Variants in NCK1 observed in about 807,000 individuals in gnomAD.
NCK1 encodes SH2/SH3 adapter protein NCK1.
In NCK1, 19 loss-of-function variants were observed where a neutral mutation model predicts 36.6. That is an observed-to-expected ratio of 0.52 (90% CI 0.36 to 0.76). The LOEUF is 0.76. Among genes scored for constraint, NCK1 ranks in the 30% least tolerant of loss-of-function variants. The probability of loss-of-function intolerance (pLI) is 0.00; values close to 1 mark genes in which losing one functional copy is unlikely to be tolerated. For missense variants in NCK1, 358 were observed against 445.6 expected (o/e 0.80, Z 1.77); for synonymous variants, 165 against 156.0 (o/e 1.06, Z -0.43).
intron 1 of NCK1, chr3:136,899,409 C>G: frequency 4.4e-6 from 1 of 228,294 alleles, no homozygotes; most frequent in Non-Finnish European, 8.7e-6. Flanking sequence ...ATTTTACCTT[C>G]ATTTCTTTTC....
intron 1 of NCK1, among the ~76,000 whole-genome samples, chr3:136,865,093 G>T (rs1239905754): frequency 6.6e-6 from 1 of 152,118 alleles, no homozygotes; most frequent in East Asian, 1.9e-4. Flanking sequence ...CAGTAGCTGG[G>T]ATTACAGGCG....
rs141641421 is a variant in NCK1 at position 136,944,509 on chromosome 3, C to T, written c.227-1074C>T. Among the ~76,000 whole-genome samples the T allele has an allele frequency of 2.1e-4, 32 of 152,158 alleles. 1 individual carries two copies. The East Asian group carries it at 4.6e-3, about 22-fold the overall frequency. On this transcript the variant is annotated intron_variant, in intron 2 of 3. Coordinates refer to ENST00000481752, the MANE Select transcript of NCK1 (RefSeq NM_001291999.2). ...AAATAAATAAATTACCAAAATGTTA[C>T]GGTTTAAAAGTTGTAGCAGAGTTAA... is the stretch of plus-strand genomic sequence containing the variant.
chr3:136,946,159 A>T lies in NCK1; in HGVS notation c.803A>T (p.Tyr268Phe), dbSNP rs1454199299. The T allele has an allele frequency of 2.5e-6, 4 of 1,613,614 alleles. No homozygotes were observed. The highest frequency in any genetic ancestry group is 3.4e-6 in the Non-Finnish European group (4 of 1,179,946). The change falls in exon 3 of 4, where the codon TAC (tyrosine) becomes TTC (phenylalanine). Residue 268 changes from tyrosine (Y) to phenylalanine (F), a missense_variant. By Grantham distance (22) the Tyr-to-Phe change is conservative (BLOSUM62 3). Coordinates refer to ENST00000481752, the MANE Select transcript of NCK1 (RefSeq NM_001291999.2). The part of the protein sequence containing the change: ...GLEPSPPQCD[Y>F]IRPSLTGKFA... ...GAACCATCACCTCCACAGTGTGATT[A>T]CATTAGGCCTTCACTCACTGGAAAG...
At chr3:136,881,693 C>T (rs1468417394) in intron 1 of NCK1, among the ~76,000 whole-genome samples, 2 of 152,202 alleles carry the variant, frequency 1.3e-5, no homozygotes, top group Admixed American at 1.3e-4. Context: ...TTCCCTCCTC[C>T]TAGCCCCTGG....
At chr3:136,917,130 T>C (rs1163980472) in intron 1 of NCK1, among the ~76,000 whole-genome samples, 2 of 152,178 alleles carry the variant, frequency 1.3e-5, no homozygotes, top group Non-Finnish European at 2.9e-5. Context: ...CAATGTGGCA[T>C]GTTCTGTGTC....
At chr3:136,902,415 G>C (rs1260700996) in intron 1 of NCK1, among the ~76,000 whole-genome samples, 3 of 152,056 alleles carry the variant, frequency 2.0e-5, no homozygotes, top group Admixed American at 6.6e-5. Context: ...GGCTGGTCTC[G>C]AGCTCCTGAG....
At chr3:136,869,578 T>G (rs903793234) in intron 1 of NCK1, among the ~76,000 whole-genome samples, 2 of 152,172 alleles carry the variant, frequency 1.3e-5, no homozygotes, top group Non-Finnish European at 2.9e-5. Flanking sequence ...AATCATTTGT[T>G]CCATTTGGTG....
At chr3:136,936,526 C>T (rs1032223179) in intron 2 of NCK1, among the ~76,000 whole-genome samples, 5 of 152,128 alleles carry the variant, frequency 3.3e-5, no homozygotes, top group African/African-American at 2.4e-5. Flanking sequence ...ATTGCTGGAT[C>T]GTATGGTAAT....
At chr3:136,919,249 G>A (rs1430475300) in intron 1 of NCK1, among the ~76,000 whole-genome samples, 1 of 151,938 alleles carries the variant, frequency 6.6e-6, no homozygotes, top group Non-Finnish European at 1.5e-5. Context: ...TGATAGAACT[G>A]TTCTTATTTT....
intron 1 of NCK1, among the ~76,000 whole-genome samples, chr3:136,911,240 T>C (rs1212111291): frequency 1.3e-5 from 2 of 152,206 alleles, no homozygotes; most frequent in Admixed American, 6.5e-5. Flanking sequence ...CTTTGCCATA[T>C]TGATTTTAGT....
At chr3:136,909,044 CTTG>C (rs1285452394) in intron 1 of NCK1, among the ~76,000 whole-genome samples, 2 of 152,102 alleles carry the variant, frequency 1.3e-5, no homozygotes, top group African/African-American at 4.8e-5. Context: ...TGCCTTCCTC[CTTG>C]TTGTTATGTA....
chr3:136,880,885 G>A (rs1049174168), intron 1 of NCK1, among the ~76,000 whole-genome samples: 1 of 151,998 alleles, frequency 6.6e-6, no homozygotes, highest in Non-Finnish European at 1.5e-5. Context: ...TGGGGATTAC[G>A]GGTGTTAGGC....
rs139358240 is a variant in NCK1, at chr3:136,907,888, G to A, written c.-18-20096G>A. 3.0e-3 allele frequency among the ~76,000 whole-genome samples: 454 copies of A among 152,216 alleles called. 1 individual carries two copies. The highest frequency in any genetic ancestry group is 9.5e-3 in the African/African-American group (396 of 41,522). ...GGTATTATATCCTTATATATGTGGC[G>A]TCAGCCTCAGTCCCCAGATCTTTTT... On this transcript the variant is annotated intron_variant, in intron 1 of 3. Transcript: ENST00000481752.
At chr3:136,936,935 T>G (rs1940546385) in intron 2 of NCK1, among the ~76,000 whole-genome samples, 1 of 152,246 alleles carries the variant, frequency 6.6e-6, no homozygotes, top group African/African-American at 2.4e-5. Context: ...GTCTTTTCAC[T>G]TCTTGATAGT....
At chr3:136,937,878 T>G (rs1023459234) in intron 2 of NCK1, among the ~76,000 whole-genome samples, 10 of 152,122 alleles carry the variant, frequency 6.6e-5, no homozygotes, top group Non-Finnish European at 1.2e-4. Context: ...GATCATGTCA[T>G]CTGTGGATAC....
chr3:136,881,368 C>T (rs993293306), intron 1 of NCK1, among the ~76,000 whole-genome samples: 13 of 152,010 alleles, frequency 8.6e-5, no homozygotes, highest in African/African-American at 1.7e-4. Flanking sequence ...TACAGGTGCA[C>T]GCCACTACGC....
At chr3:136,903,760 A>T (rs1381211587) in intron 1 of NCK1, among the ~76,000 whole-genome samples, 1 of 100,172 alleles carries the variant, frequency 1.0e-5, no homozygotes, top group Non-Finnish European at 2.2e-5. Flanking sequence ...GGAAAGTTTG[A>T]TCAGTTTACA....
chr3:136,950,220 G>A lies in NCK1; in HGVS notation c.*1767G>A, dbSNP rs1024830394. ...ATTTGATGATGCTTTCCTTTTCTCT[G>A]TATGTTTCTGGGTTTTCCCCCAGTC... On this transcript the variant is annotated 3_prime_UTR_variant, in exon 4 of 4. Coordinates refer to ENST00000481752, the MANE Select transcript of NCK1 (RefSeq NM_001291999.2). Among the ~76,000 whole-genome samples the A allele has an allele frequency of 6.6e-6, 1 of 152,004 alleles. No individual in the cohort carries two copies. The highest frequency in any genetic ancestry group is 1.5e-5 in the Non-Finnish European group (1 of 67,940).
intron 2 of NCK1, among the ~76,000 whole-genome samples, chr3:136,944,111 C>CTTTTTTTTTTTTTTTTTTTT (rs1560055771): frequency 1.2e-5 from 1 of 80,924 alleles, no homozygotes; most frequent in Non-Finnish European, 2.2e-5. Flanking sequence ...GGAAAAACAA[C>CTTTTTTTTTTTTTTTTTTTT]CTTTTTTTTT....
Sources: allele counts gnomAD v4.1 joint callset (sites outside exome capture counted in the v4.1 genomes callset), GRCh38; gene constraint gnomAD v4.1.1; transcripts MANE v1.5; gene names NCBI Gene and HGNC (gene_info 2026-07-23, HGNC 2026-07-21).